Variants in LUZP2 observed in about 807,000 individuals in gnomAD.
The protein encoded by LUZP2 is leucine zipper protein 2.
Under a neutral mutation model 51.6 loss-of-function variants are expected in LUZP2, and 52 were observed. That is an observed-to-expected ratio of 1.01 (90% confidence interval 0.81 to 1.27). The LOEUF (loss-of-function observed/expected upper bound fraction) is 1.27, where lower values mean the gene tolerates loss of function less well. Among genes scored for constraint, LUZP2 ranks in the 50% most tolerant of loss-of-function variants. The probability of loss-of-function intolerance (pLI) is 0.00; values close to 1 mark genes in which losing one functional copy is unlikely to be tolerated. For missense variants in LUZP2, 436 were observed against 395.4 expected, an observed-to-expected ratio of 1.10 and a Z score of -0.87; for synonymous variants, 154 against 137.3, an observed-to-expected ratio of 1.12 and a Z score of -0.85.
At position 24,859,438 on chromosome 11, in the gene LUZP2, C is replaced by T. The variant is rs77931395; in HGVS notation, c.397-46553C>T. Among the ~76,000 whole-genome samples, 112 of 152,168 alleles carry T rather than the reference C, an allele frequency of 7.4e-4. 4 individuals carry two copies. The East Asian group carries it at 0.021, about 29-fold the overall frequency. On this transcript the variant is annotated intron_variant, in intron 5 of 11. Coordinates refer to ENST00000336930, the MANE Select transcript of LUZP2 (RefSeq NM_001009909.4). ...ACAGATGTAAATGTAAGACCTAAAA[C>T]TATACAATTTTAAAAATGGAGTAAA...
At chr11:24,845,037 C>T (rs983936184) in intron 5 of LUZP2, among the ~76,000 whole-genome samples, 1 of 152,112 alleles carries the variant, frequency 6.6e-6, no homozygotes, top group African/African-American at 2.4e-5. Flanking sequence ...CCTAGTGGAG[C>T]TGTGAGAGGA....
chr11:24,926,557 GTGTGTGTATATATATACGTGTATATATA>G, intron 7 of LUZP2, among the ~76,000 whole-genome samples: 1 of 143,382 alleles, frequency 7.0e-6, no homozygotes, highest in Non-Finnish European at 1.5e-5. Context: ...GTATATATAT[GTGTGTGTATATATATACGTGTATATATA>G]TGTGTGTATA....
chr11:24,762,510 G>T (rs1860018034), intron 4 of LUZP2, among the ~76,000 whole-genome samples: 2 of 152,040 alleles, frequency 1.3e-5, no homozygotes, highest in African/African-American at 4.8e-5. Flanking sequence ...CAAGAAAATT[G>T]AAAATTGGAT....
intron 1 of LUZP2, among the ~76,000 whole-genome samples, chr11:24,708,412 T>G (rs1857685527): frequency 6.6e-6 from 1 of 152,086 alleles, no homozygotes; most frequent in South Asian, 2.1e-4. Flanking sequence ...TTATCAAAAT[T>G]TTTATAGTCT....
At chr11:24,666,516 C>A (rs1290224016) in intron 1 of LUZP2, among the ~76,000 whole-genome samples, 1 of 152,060 alleles carries the variant, frequency 6.6e-6, no homozygotes, top group Non-Finnish European at 1.5e-5. Flanking sequence ...ATAGCTAAGA[C>A]CTCCATTGAA....
chr11:24,900,275 C>T (rs2133777361), intron 5 of LUZP2, among the ~76,000 whole-genome samples: 1 of 152,138 alleles, frequency 6.6e-6, no homozygotes, highest in East Asian at 1.9e-4. Context: ...CTGTTTTGGC[C>T]TTGCTTGTAA....
At chr11:24,513,203 A>G (rs1394922780) in intron 1 of LUZP2, among the ~76,000 whole-genome samples, 1 of 152,304 alleles carries the variant, frequency 6.6e-6, no homozygotes, top group African/African-American at 2.4e-5. Flanking sequence ...AATTTCTCCT[A>G]AAAATAAAAT....
chr11:25,006,281 C>T (rs1856832646), intron 9 of LUZP2, among the ~76,000 whole-genome samples: 1 of 152,120 alleles, frequency 6.6e-6, no homozygotes, highest in South Asian at 2.1e-4. Flanking sequence ...GGAAGTTTGT[C>T]TGACAGGCAT....
At chr11:24,869,056 A>T (rs1851978347) in intron 5 of LUZP2, among the ~76,000 whole-genome samples, 1 of 152,108 alleles carries the variant, frequency 6.6e-6, no homozygotes, top group Admixed American at 6.6e-5. Flanking sequence ...CAAAGAAGGG[A>T]GAGATTTTGC....
At chr11:24,684,197 G>A (rs866453718) in intron 1 of LUZP2, among the ~76,000 whole-genome samples, 1 of 151,856 alleles carries the variant, frequency 6.6e-6, no homozygotes, top group Non-Finnish European at 1.5e-5. Flanking sequence ...CTGATCATCA[G>A]TCTGAGCTTT....
intron 1 of LUZP2, among the ~76,000 whole-genome samples, chr11:24,583,397 C>G (rs1027668804): frequency 6.6e-6 from 1 of 152,008 alleles, no homozygotes; most frequent in East Asian, 1.9e-4. Context: ...AAAAGAAGGT[C>G]AACTTTAAGA....
chr11:24,753,594 C>T (rs1859670578), intron 4 of LUZP2, among the ~76,000 whole-genome samples: 1 of 152,184 alleles, frequency 6.6e-6, no homozygotes, highest in South Asian at 2.1e-4. Flanking sequence ...ATACAACGCT[C>T]ATTCCCATAA....
Position 24,676,190 on chromosome 11 carries a change from G to A in LUZP2, c.63-52979G>A, listed in dbSNP as rs367719935. ...ATTTTACTCTTCCTTATCTTATGTG[G>A]CATAATTGAAAGAGAAGATTAGAAA... is the stretch of plus-strand genomic sequence containing the variant. On this transcript the variant is annotated intron_variant, in intron 1 of 11. Coordinates refer to ENST00000336930, the MANE Select transcript of LUZP2 (RefSeq NM_001009909.4). Among the ~76,000 whole-genome samples, 5 of 152,118 alleles carry A rather than the reference G, an allele frequency of 3.3e-5. No individual in the cohort carries two copies. In the South Asian group the frequency reaches 6.2e-4, roughly 19 times the overall value.
Position 24,628,191 on chromosome 11 carries a change from G to A in LUZP2, c.63-100978G>A, listed in dbSNP as rs908621845. ...ATGACTCACACACTTGCATACACAC[G>A]CACACACACACACCCATGCATACAC... On this transcript the variant is annotated intron_variant, in intron 1 of 11. Transcript: ENST00000336930. Among the ~76,000 whole-genome samples, 4 of 138,178 alleles carry A rather than the reference G, an allele frequency of 2.9e-5. No homozygotes were observed. In the South Asian group the frequency reaches 7.1e-4, roughly 25 times the overall value. The allele number at this position is 138,178 out of a possible 152,430, so 90.7% of individuals were successfully genotyped here.
chr11:24,735,643 G>A (rs1201130263), intron 3 of LUZP2, among the ~76,000 whole-genome samples: 1 of 151,872 alleles, frequency 6.6e-6, no homozygotes, highest in African/African-American at 2.4e-5. Flanking sequence ...TTAAGGTGAG[G>A]GTGTTTTTAT....
At position 24,879,124 on chromosome 11, in the gene LUZP2, T is replaced by A. The variant is rs188761227; in HGVS notation, c.397-26867T>A. 1.5e-3 allele frequency among the ~76,000 whole-genome samples: 229 copies of A among 152,190 alleles called. 3 individuals carry two copies. Among genetic ancestry groups the A allele is most frequent in the Non-Finnish European group, 2.6e-3 (176 of 67,998 alleles). ...CATGCCCGGCTAATTTTTTGTATTT[T>A]TAGTACAGACAGGTTTTCACTGTGT... On this transcript the variant is annotated intron_variant, in intron 5 of 11. Coordinates refer to ENST00000336930, the MANE Select transcript of LUZP2 (RefSeq NM_001009909.4).
intron 1 of LUZP2, among the ~76,000 whole-genome samples, chr11:24,559,763 G>A (rs946536032): frequency 1.3e-5 from 2 of 152,190 alleles, no homozygotes; most frequent in African/African-American, 4.8e-5. Flanking sequence ...TTAGATGATA[G>A]TTGAATTTAG....
chr11:24,733,734 GTA>G (rs1858814586), intron 3 of LUZP2, among the ~76,000 whole-genome samples: 1 of 150,952 alleles, frequency 6.6e-6, no homozygotes, highest in South Asian at 2.1e-4. Flanking sequence ...ATAATAAACT[GTA>G]TTTTTTAAAA....
At chr11:25,014,837 C>A (rs1281823124) in intron 9 of LUZP2, among the ~76,000 whole-genome samples, 1 of 151,838 alleles carries the variant, frequency 6.6e-6, no homozygotes, top group Non-Finnish European at 1.5e-5. Context: ...TGCCTATGTC[C>A]TGAATGGTAT....
Sources: gnomAD v4.1 joint callset for allele counts (sites outside exome capture counted in the v4.1 genomes callset) on GRCh38, gnomAD v4.1.1 for gene constraint, MANE v1.5 for transcripts, NCBI Gene and HGNC (gene_info 2026-07-23, HGNC 2026-07-21) for gene names.